IFT43: variants seen among roughly 807,000 people sequenced by gnomAD.
IFT43 encodes intraflagellar transport protein 43 homolog.
Under a neutral mutation model 32.3 loss-of-function variants are expected in IFT43, and 33 were observed. That is an observed-to-expected ratio of 1.02 (90% confidence interval 0.77 to 1.37). The LOEUF is 1.37. Ranked by LOEUF, IFT43 falls within the 40% of genes most tolerant of loss-of-function variation. The pLI is 0.00. For missense variants in IFT43, 274 were observed against 265.9 expected (o/e 1.03, Z -0.21); for synonymous variants, 93 against 98.2 (o/e 0.95, Z 0.31).
downstream of IFT43, chr14:76,083,962 C>T (rs1447977396): frequency 4.3e-6 from 2 of 462,632 alleles, no homozygotes; most frequent in East Asian, 6.7e-5. Context: ...GGCGGGGCCT[C>T]CCTTCCCGTG....
At position 76,000,493 on chromosome 14, in the gene IFT43, C is replaced by CG. The variant is rs749791607; in HGVS notation, c.147+11517dup. Among the ~76,000 whole-genome samples, 128 of 151,640 alleles carry CG rather than the reference C, an allele frequency of 8.4e-4. 1 individual carries two copies. Among genetic ancestry groups the CG allele is most frequent in the Non-Finnish European group, 1.3e-3 (85 of 67,912 alleles). On this transcript the variant is annotated intron_variant, in intron 2 of 8. Transcript: ENST00000314067. ...TTCACCGTGTTCGCCAGGATTGTCTCGATCTCCTGACCTCATGATCCTCCC... is the reference window on the plus strand; with the variant it reads ...TTCACCGTGTTCGCCAGGATTGTCTCGGATCTCCTGACCTCATGATCCTCCC...
At position 76,083,212 on chromosome 14, in the gene IFT43, TG is replaced by T. The variant is rs763200886; in HGVS notation, c.445-14del. 1.2e-6 allele frequency: 2 copies of T among 1,614,156 alleles called. No individual in the cohort carries two copies. Among genetic ancestry groups the T allele is most frequent in the Admixed American group, 3.3e-5 (2 of 60,022 alleles). The stretch of plus-strand genomic sequence containing the variant: ...CAAGGTGCTCAGCCTGACCTTTTTT[TG>T]TTTGCATTCACAGGATGGGGAGATC... On this transcript the variant is annotated splice_polypyrimidine_tract_variant and intron_variant, in intron 7 of 8. Coordinates refer to ENST00000314067, the MANE Select transcript of IFT43 (RefSeq NM_001102564.3).
chr14:76,035,449 C>G (rs1487720931), intron 3 of IFT43, among the ~76,000 whole-genome samples: 1 of 152,134 alleles, frequency 6.6e-6, no homozygotes, highest in Non-Finnish European at 1.5e-5. Flanking sequence ...TCCTCCTTCT[C>G]TCTTTCTCTC....
intron 2 of IFT43, among the ~76,000 whole-genome samples, chr14:75,999,261 A>ATG (rs1352018376): frequency 4.3e-4 from 10 of 23,360 alleles, no homozygotes; most frequent in African/African-American, 2.4e-3. Context: ...ATATATATAT[A>ATG]TATATATATA....
chr14:76,024,876 CAG>C, intron 3 of IFT43, among the ~76,000 whole-genome samples: 1 of 152,310 alleles, frequency 6.6e-6, no homozygotes, highest in South Asian at 2.1e-4. Context: ...GCCAGCCTGA[CAG>C]AGAATATGAT....
intron 5 of IFT43, among the ~76,000 whole-genome samples, chr14:76,075,967 G>T (rs1460309101): frequency 6.6e-6 from 1 of 152,204 alleles, no homozygotes; most frequent in East Asian, 1.9e-4. Flanking sequence ...AATGTCTGTT[G>T]ACTTTGCACA....
At chr14:76,059,137 A>T (rs541789840) in intron 4 of IFT43, 190 bp from the exon 5 acceptor site, 2 of 1,501,130 alleles carry the variant, frequency 1.3e-6, no homozygotes, top group African/African-American at 2.8e-5. Flanking sequence ...GGAATAGTGC[A>T]TCGCACAGCC....
chr14:76,031,020 G>GTA lies in IFT43; in HGVS notation c.215+8637_215+8638dup, dbSNP rs201430016. Among the ~76,000 whole-genome samples the GTA allele has an allele frequency of 2.9e-3, 424 of 146,574 alleles. 4 individuals are homozygous for GTA. Among genetic ancestry groups the GTA allele is most frequent in the African/African-American group, 9.7e-3 (391 of 40,358 alleles). On this transcript the variant is annotated intron_variant, in intron 3 of 8. Coordinates refer to ENST00000314067, the MANE Select transcript of IFT43 (RefSeq NM_001102564.3). ...TCTTTTTGGAAAAGTAAACATATGT[G>GTA]TATATATATATAATTATATATACAT...
intron 3 of IFT43, among the ~76,000 whole-genome samples, chr14:76,056,044 C>G (rs1433757589): frequency 6.6e-6 from 1 of 152,150 alleles, no homozygotes; most frequent in African/African-American, 2.4e-5. Context: ...GATTTTTATA[C>G]AAAATCTCCC....
intron 2 of IFT43, among the ~76,000 whole-genome samples, chr14:76,013,370 A>C (rs1240689986): frequency 2.0e-5 from 3 of 152,130 alleles, no homozygotes; most frequent in African/African-American, 7.2e-5. Flanking sequence ...TGAGCTGGTG[A>C]GGGCGTTCGC....
Position 76,031,967 on chromosome 14 carries a change from C to T in IFT43, c.215+9573C>T, listed in dbSNP as rs2036516902. 3.3e-5 allele frequency among the ~76,000 whole-genome samples: 5 copies of T among 152,288 alleles called. No individual in the cohort carries two copies. In the South Asian group the frequency reaches 1.0e-3, roughly 32 times the overall value. ...TTTATATTTCCAGCCCAGTTCTCCTCCTGGACAGCCATTTGCCTGCTTGAT... is the reference window on the plus strand; with the variant it reads ...TTTATATTTCCAGCCCAGTTCTCCTTCTGGACAGCCATTTGCCTGCTTGAT... On this transcript the variant is annotated intron_variant, in intron 3 of 8. Coordinates refer to ENST00000314067, the MANE Select transcript of IFT43 (RefSeq NM_001102564.3).
intron 3 of IFT43, among the ~76,000 whole-genome samples, chr14:76,039,333 A>AT (rs916283179): frequency 6.6e-6 from 1 of 152,044 alleles, no homozygotes; most frequent in Admixed American, 6.6e-5. Flanking sequence ...ACGTTTTTAA[A>AT]TTTTTTGTAG....
chr14:76,050,710 G>T (rs1707995658), intron 3 of IFT43, among the ~76,000 whole-genome samples: 2 of 152,106 alleles, frequency 1.3e-5, no homozygotes, highest in South Asian at 2.1e-4. Context: ...CTACCAGATT[G>T]TAAAATCTTG....
In IFT43 at chr14:75,991,851, A is replaced by T. The variant is rs1194310860; in HGVS notation, c.147+2874A>T. Among the ~76,000 whole-genome samples, 7 of 152,230 alleles carry T rather than the reference A, an allele frequency of 4.6e-5. No homozygotes were observed. In the East Asian group the frequency reaches 9.6e-4, roughly 21 times the overall value. ...CCAGGATCCCTTTCTCCCTGGGCTA[A>T]TTGAGGTTTAAACAGTGTGGGCAGC... On this transcript the variant is annotated intron_variant, in intron 2 of 8. Coordinates refer to ENST00000314067, the MANE Select transcript of IFT43 (RefSeq NM_001102564.3).
intron 3 of IFT43, among the ~76,000 whole-genome samples, chr14:76,031,854 C>A (rs1381241468): frequency 6.6e-6 from 1 of 152,184 alleles, no homozygotes; most frequent in Admixed American, 6.5e-5. Flanking sequence ...AACCTTCTCT[C>A]TTCTCTGTCA....
At chr14:76,066,449 G>A (rs1021699494) in intron 5 of IFT43, among the ~76,000 whole-genome samples, 5 of 152,138 alleles carry the variant, frequency 3.3e-5, no homozygotes, top group Admixed American at 2.0e-4. Context: ...ACTCGACTTA[G>A]TCCATTTCAC....
At chr14:76,082,576 C>T in intron 6 of IFT43, 41 bp from the exon 7 acceptor site, 1 of 1,613,422 alleles carries the variant, frequency 6.2e-7, no homozygotes, top group Non-Finnish European at 8.5e-7. Flanking sequence ...TGGAACAGGT[C>T]CTGCCTGGGG....
At chr14:76,073,763 C>T (rs1377334232) in intron 5 of IFT43, among the ~76,000 whole-genome samples, 1 of 152,100 alleles carries the variant, frequency 6.6e-6, no homozygotes, top group Non-Finnish European at 1.5e-5. Context: ...TTAAAAGTGC[C>T]CAAGGCGAAC....
intron 5 of IFT43, among the ~76,000 whole-genome samples, chr14:76,075,268 C>T (rs959805336): frequency 2.6e-5 from 4 of 152,178 alleles, no homozygotes; most frequent in African/African-American, 9.7e-5. Context: ...CGAGCACAGC[C>T]CTGGACCCAG....
Sources: gnomAD v4.1 joint callset for allele counts (sites outside exome capture counted in the v4.1 genomes callset) on GRCh38, gnomAD v4.1.1 for gene constraint, MANE v1.5 for transcripts, NCBI Gene and HGNC (gene_info 2026-07-23, HGNC 2026-07-21) for gene names.